Variants in DNAH9 observed in about 807,000 individuals in gnomAD.
DNAH9 encodes dynein axonemal heavy chain 9, also known as DNAH9 variant protein.
Under a neutral mutation model 471.6 loss-of-function variants are expected in DNAH9, and 345 were observed. The observed-to-expected ratio is 0.73, with a 90% CI of 0.67 to 0.80. The LOEUF (loss-of-function observed/expected upper bound fraction) is 0.80. Among genes scored for constraint, DNAH9 ranks in the 30% least tolerant of loss-of-function variants. The pLI is 0.00. For missense variants in DNAH9, 5,407 were observed against 5,609.2 expected, an observed-to-expected ratio of 0.96 and a Z score of 1.15; for synonymous variants, 2,093 against 2,123.6, an observed-to-expected ratio of 0.99 and a Z score of 0.40.
At chr17:11,624,225 G>A (rs895542748) in intron 6 of DNAH9, among the ~76,000 whole-genome samples, 1 of 152,150 alleles carries the variant, frequency 6.6e-6, no homozygotes, top group African/African-American at 2.4e-5. Flanking sequence ...CTTAAGAACT[G>A]GGGCCGGGTG....
chr17:11,812,399 T>C (rs1204473088), intron 45 of DNAH9, among the ~76,000 whole-genome samples: 2 of 151,936 alleles, frequency 1.3e-5, no homozygotes, highest in South Asian at 2.1e-4. Flanking sequence ...TATATAGATA[T>C]AGTAGTATAT....
intron 48 of DNAH9, among the ~76,000 whole-genome samples, chr17:11,832,393 A>G (rs1225925795): frequency 6.6e-6 from 1 of 152,226 alleles, no homozygotes; most frequent in Non-Finnish European, 1.5e-5. Flanking sequence ...AAAAGGAACA[A>G]AAAGTTACTG....
chr17:11,799,588 T>G lies in DNAH9; in HGVS notation c.8420+1795T>G, dbSNP rs150827891. 1.5e-3 allele frequency among the ~76,000 whole-genome samples: 232 copies of G among 152,186 alleles called. 3 individuals are homozygous for G. In the East Asian group the frequency reaches 0.029, roughly 19 times the overall value. ...CTCGGGCTAGACCGCACTGTCTTTT[T>G]TTGTTGTTGTTGTTTTGAGAGGGAG... On this transcript the variant is annotated intron_variant, in intron 43 of 68. Transcript: ENST00000262442.
intron 38 of DNAH9, among the ~76,000 whole-genome samples, chr17:11,773,601 C>A (rs118063963): frequency 2.6e-5 from 4 of 152,018 alleles, no homozygotes; most frequent in Non-Finnish European, 4.4e-5. Context: ...AAAACTTAGA[C>A]AATCTCCAGA....
At chr17:11,602,753 G>A (rs1185691685) in intron 1 of DNAH9, among the ~76,000 whole-genome samples, 5 of 152,046 alleles carry the variant, frequency 3.3e-5, no homozygotes, top group East Asian at 3.9e-4. Flanking sequence ...TCCTCCTCCC[G>A]ATCATAAGCA....
At chr17:11,801,618 G>C (rs959463161) in intron 43 of DNAH9, among the ~76,000 whole-genome samples, 1 of 152,118 alleles carries the variant, frequency 6.6e-6, no homozygotes, top group Non-Finnish European at 1.5e-5. Flanking sequence ...TTGAACCCGG[G>C]AGGCAGCGGT....
chr17:11,721,461 C>T (rs1031198945), intron 27 of DNAH9, among the ~76,000 whole-genome samples: 4 of 152,124 alleles, frequency 2.6e-5, no homozygotes, highest in African/African-American at 9.7e-5. Context: ...CCCCACTAAG[C>T]TGTTTGCAAA....
intron 6 of DNAH9, among the ~76,000 whole-genome samples, chr17:11,622,968 CTTTTTTT>C (rs10551080): frequency 9.5e-6 from 1 of 105,388 alleles, no homozygotes; most frequent in African/African-American, 3.8e-5. Context: ...TTTTCTTTTT[CTTTTTTT>C]TTTTTTTTTT....
chr17:11,799,056 T>C (rs1386509607), intron 43 of DNAH9, among the ~76,000 whole-genome samples: 1 of 152,156 alleles, frequency 6.6e-6, no homozygotes, highest in Non-Finnish European at 1.5e-5. Context: ...CTCACCCATG[T>C]CTCGACTCAC....
At position 11,760,645 on chromosome 17, in the gene DNAH9, G is replaced by A. The variant is rs372867368; in HGVS notation, c.6996-2795G>A. Among the ~76,000 whole-genome samples the A allele has an allele frequency of 5.9e-5, 9 of 152,002 alleles. 1 individual carries two copies. In the South Asian group the frequency reaches 1.7e-3, roughly 28 times the overall value. ...AGAGATTCTCCTGCCTCAGCCTCCC[G>A]AGTATCTGGGACTACAGGTGCATGC... is the stretch of plus-strand genomic sequence containing the variant. On this transcript the variant is annotated intron_variant, in intron 35 of 68. Transcript: ENST00000262442.
In DNAH9 at chr17:11,694,609, GCTTTCTTGCTTT is replaced by G. The variant is rs1567724399; in HGVS notation, c.4872+166_4872+177del. Among the ~76,000 whole-genome samples the G allele has an allele frequency of 9.1e-4, 7 of 7,734 alleles. 1 individual carries two copies. The highest frequency in any genetic ancestry group is 3.2e-3 in the East Asian group (1 of 308). The allele number at this position is 7,734 out of a possible 152,430, so 5.1% of individuals were successfully genotyped here. On this transcript the variant is annotated intron_variant, in intron 22 of 68. Transcript: ENST00000262442. Reference sequence around the variant, plus strand: ...TCATCACATACCTCGGAGCTTTCTTGCTTTCTTGCTTTCTTGCTTTCTTGCTTTCTTGCTTTC... The same window carrying G: ...TCATCACATACCTCGGAGCTTTCTTGCTTGCTTTCTTGCTTTCTTGCTTTC...
intron 48 of DNAH9, among the ~76,000 whole-genome samples, chr17:11,829,175 T>C (rs192636446): frequency 4.9e-4 from 74 of 152,318 alleles, no homozygotes; most frequent in Non-Finnish European, 2.6e-4. Context: ...AACAAACTCT[T>C]AATCTGCAGT....
intron 55 of DNAH9, chr17:11,883,051 G>A (rs1232639828): frequency 2.0e-6 from 2 of 986,890 alleles, no homozygotes; most frequent in East Asian, 1.1e-4. Context: ...ATAAAGAGAG[G>A]AAGAGATGAG....
intron 13 of DNAH9, 62 bp downstream of exon 13, chr17:11,651,386 A>T: frequency 6.7e-7 from 1 of 1,502,686 alleles, no homozygotes; most frequent in Admixed American, 2.0e-5. Context: ...AATAAAGTTC[A>T]TAGAACCTCC....
intron 41 of DNAH9, among the ~76,000 whole-genome samples, chr17:11,790,938 G>A (rs1969043763): frequency 6.6e-6 from 1 of 151,938 alleles, no homozygotes; most frequent in South Asian, 2.1e-4. Flanking sequence ...ACTGATTTTT[G>A]TGCTATCATT....
Position 11,839,841 on chromosome 17 carries a change from A to G in DNAH9, c.9507+4943A>G, listed in dbSNP as rs571187247. Among the ~76,000 whole-genome samples, 18 of 152,344 alleles carry G rather than the reference A, an allele frequency of 1.2e-4. No individual in the cohort carries two copies. The East Asian group carries it at 3.5e-3, about 29-fold the overall frequency. ...AATTAACATATTCACCACCTCACAT[A>G]GTTATATTTATGTATGTACAGTGAG... On this transcript the variant is annotated intron_variant, in intron 49 of 68. Coordinates refer to ENST00000262442, the MANE Select transcript of DNAH9 (RefSeq NM_001372.4).
At chr17:11,857,838 C>T (rs1971681523) in intron 50 of DNAH9, among the ~76,000 whole-genome samples, 1 of 152,162 alleles carries the variant, frequency 6.6e-6, no homozygotes, top group Non-Finnish European at 1.5e-5. Flanking sequence ...CCGCAACTCC[C>T]TCTTGCTCCT....
chr17:11,877,143 C>T lies in DNAH9; in HGVS notation c.10478+1959C>T, dbSNP rs987181298. ...AATATATGTTACATATATTTTACCA[C>T]AATTTAAATATATTAATTAATAAAT... On this transcript the variant is annotated intron_variant, in intron 53 of 68. Coordinates refer to ENST00000262442, the MANE Select transcript of DNAH9 (RefSeq NM_001372.4). 5.9e-5 allele frequency among the ~76,000 whole-genome samples: 9 copies of T among 151,804 alleles called. No homozygotes were observed. In the South Asian group the frequency reaches 1.7e-3, roughly 28 times the overall value.
intron 49 of DNAH9, among the ~76,000 whole-genome samples, chr17:11,850,650 C>CAAA (rs35966472): frequency 2.1e-5 from 3 of 139,610 alleles, no homozygotes; most frequent in Non-Finnish European, 1.5e-5. Context: ...GACTCCATGT[C>CAAA]AAAAAAAAAA....
Sources: gnomAD v4.1 joint callset for allele counts (sites outside exome capture counted in the v4.1 genomes callset) on GRCh38, gnomAD v4.1.1 for gene constraint, MANE v1.5 for transcripts, NCBI Gene and HGNC (gene_info 2026-07-23, HGNC 2026-07-21) for gene names.